SUMF1: variants seen among roughly 807,000 people sequenced by gnomAD.
SUMF1 encodes the protein sulfatase modifying factor 1.
SUMF1 carries 48 observed loss-of-function variants against 47.6 expected under a neutral mutation model. That is an observed-to-expected ratio of 1.01 (90% CI 0.80 to 1.28). The LOEUF (loss-of-function observed/expected upper bound fraction) is 1.28. Among genes scored for constraint, SUMF1 ranks in the 50% most tolerant of loss-of-function variants. The pLI, the probability that SUMF1 is intolerant of heterozygous loss-of-function variation, is 0.00. For missense variants in SUMF1, 571 were observed against 485.4 expected (o/e 1.18, Z -1.66); for synonymous variants, 230 against 192.1 (o/e 1.20, Z -1.63).
At chr3:4,313,536 ATATCT>A in intron 8 of SUMF1, 1 of 1,614,088 alleles carries the variant, frequency 6.2e-7, no homozygotes, top group Non-Finnish European at 8.5e-7. Flanking sequence ...ATTCAGGAAG[ATATCT>A]TAATCTAACA....
chr3:4,167,874 C>T (rs572463222), intron 8 of SUMF1, among the ~76,000 whole-genome samples: 1 of 152,276 alleles, frequency 6.6e-6, no homozygotes, highest in East Asian at 1.9e-4. Flanking sequence ...TTGTCACTTG[C>T]TAACTACTTT....
At chr3:4,382,897 A>G (rs1700553237) in intron 7 of SUMF1, among the ~76,000 whole-genome samples, 1 of 152,130 alleles carries the variant, frequency 6.6e-6, no homozygotes, top group African/African-American at 2.4e-5. Flanking sequence ...AGGGAGGGGA[A>G]CATCACACAC....
At chr3:4,059,199 A>G (rs548730441) in intron 9 of SUMF1, among the ~76,000 whole-genome samples, 2 of 152,308 alleles carry the variant, frequency 1.3e-5, no homozygotes, top group African/African-American at 4.8e-5. Context: ...ATTCAGCATA[A>G]GGCTCATAGA....
intron 7 of SUMF1, among the ~76,000 whole-genome samples, chr3:4,392,299 T>G (rs554357410): frequency 3.0e-4 from 46 of 152,296 alleles, no homozygotes; most frequent in African/African-American, 1.0e-3. Context: ...TCTCTATTTG[T>G]TGACTCACAG....
chr3:4,103,219 G>A lies in SUMF1; in HGVS notation c.1015-34474C>T, dbSNP rs377174008. Among the ~76,000 whole-genome samples, 11 of 150,250 alleles carry A rather than the reference G, an allele frequency of 7.3e-5. No homozygotes were observed. The South Asian group carries it at 1.5e-3, about 20-fold the overall frequency. Reference sequence around the variant, plus strand: ...ATTATAGGCATGAGCCACTGTGCCCGGCCAACACTTTTAAGCATAAAAAAA... The same window carrying A: ...ATTATAGGCATGAGCCACTGTGCCCAGCCAACACTTTTAAGCATAAAAAAA... On this transcript the variant is annotated intron_variant and NMD_transcript_variant, in intron 8 of 12. Coordinates refer to the SUMF1 transcript ENST00000448413.
chr3:4,317,998 A>G (rs1438288115), intron 8 of SUMF1, among the ~76,000 whole-genome samples: 1 of 152,170 alleles, frequency 6.6e-6, no homozygotes, highest in African/African-American at 2.4e-5. Flanking sequence ...GAAGGGTTAG[A>G]GCTGAGCAAG....
intron 8 of SUMF1, among the ~76,000 whole-genome samples, chr3:4,111,744 A>T (rs1432911671): frequency 6.6e-6 from 1 of 152,050 alleles, no homozygotes; most frequent in African/African-American, 2.4e-5. Context: ...TCTAAAAAAA[A>T]CCCAAAAAAA....
chr3:4,078,673 A>G (rs1692492337), intron 8 of SUMF1, among the ~76,000 whole-genome samples: 1 of 151,990 alleles, frequency 6.6e-6, no homozygotes, highest in South Asian at 2.1e-4. Context: ...CAGGAGAATC[A>G]CTTGAGGCCA....
chr3:4,251,703 G>A (rs531609896), intron 8 of SUMF1, among the ~76,000 whole-genome samples: 2 of 152,320 alleles, frequency 1.3e-5, no homozygotes, highest in East Asian at 3.9e-4. Context: ...GAAAATGCCA[G>A]ATAGCATCTT....
intron 8 of SUMF1, among the ~76,000 whole-genome samples, chr3:4,258,643 G>GAACAC (rs1180213070): frequency 6.6e-6 from 1 of 151,822 alleles, no homozygotes; most frequent in African/African-American, 2.4e-5. Context: ...GGAGAAATAG[G>GAACAC]AACACTTTTA....
At chr3:4,337,589 C>T (rs1258691254) in intron 8 of SUMF1, among the ~76,000 whole-genome samples, 2 of 151,834 alleles carry the variant, frequency 1.3e-5, no homozygotes, top group African/African-American at 4.8e-5. Flanking sequence ...CCTGAGCAGC[C>T]CACACTCTAC....
intron 8 of SUMF1, among the ~76,000 whole-genome samples, chr3:4,094,364 A>G (rs1692854484): frequency 6.6e-6 from 1 of 152,082 alleles, no homozygotes; most frequent in African/African-American, 2.4e-5. Context: ...ATGAACTTAG[A>G]GCTTACTAGG....
At chr3:4,431,758 G>A (rs1260636391) in intron 3 of SUMF1, among the ~76,000 whole-genome samples, 1 of 152,192 alleles carries the variant, frequency 6.6e-6, no homozygotes, top group Non-Finnish European at 1.5e-5. Flanking sequence ...GGTGGGGCAA[G>A]GGCATTGCTA....
intron 8 of SUMF1, chr3:4,317,321 A>C: frequency 2.3e-6 from 2 of 880,662 alleles, no homozygotes; most frequent in Non-Finnish European, 3.4e-6. Context: ...GCACCAACCC[A>C]ATATCTTCAT....
intron 8 of SUMF1, among the ~76,000 whole-genome samples, chr3:4,103,005 C>T (rs1269958668): frequency 6.6e-6 from 1 of 151,572 alleles, no homozygotes; most frequent in African/African-American, 2.4e-5. Context: ...TCACTGCAAC[C>T]TCCACCTCCC....
chr3:4,453,634 A>G (rs1388911248), intron 1 of SUMF1, among the ~76,000 whole-genome samples: 3 of 151,762 alleles, frequency 2.0e-5, no homozygotes, highest in Admixed American at 6.6e-5. Context: ...CCCGGGTCCA[A>G]GTGATTCTCC....
chr3:4,379,029 C>T (rs807785), intron 7 of SUMF1, among the ~76,000 whole-genome samples: 100,012 of 152,106 alleles, frequency 0.66, 33,571 homozygotes, highest in East Asian at 0.77. Context: ...CAGGCTGACA[C>T]AACTGTGGCA....
At chr3:4,261,637 T>C (rs761867973) in intron 8 of SUMF1, among the ~76,000 whole-genome samples, 1 of 152,198 alleles carries the variant, frequency 6.6e-6, no homozygotes, top group Non-Finnish European at 1.5e-5. Flanking sequence ...GCCGAGATCA[T>C]GATTACAATC....
intron 8 of SUMF1, among the ~76,000 whole-genome samples, chr3:4,224,948 C>G (rs1217837002): frequency 1.3e-5 from 2 of 152,056 alleles, no homozygotes; most frequent in African/African-American, 4.8e-5. Context: ...CTGAGCCAAT[C>G]AACTCATTTT....
Sources: gnomAD v4.1 joint callset for allele counts (sites outside exome capture counted in the v4.1 genomes callset) on GRCh38, gnomAD v4.1.1 for gene constraint, MANE v1.5 for transcripts, NCBI Gene and HGNC (gene_info 2026-07-23, HGNC 2026-07-21) for gene names.